The following ADGRB1 variants were observed in gnomAD, a reference collection of about 807,000 sequenced individuals.
The protein encoded by ADGRB1 is adhesion G protein-coupled receptor B1.
Under a neutral mutation model 175.7 loss-of-function variants are expected in ADGRB1, and 36 were observed. That is an observed-to-expected ratio of 0.20 (90% CI 0.16 to 0.27). The LOEUF (loss-of-function observed/expected upper bound fraction) is 0.27, where lower values mean the gene tolerates loss of function less well. Ranked by LOEUF, ADGRB1 falls within the 10% of genes least tolerant of loss-of-function variation. ADGRB1 has a pLI of 1.00. For missense variants in ADGRB1, 1,731 were observed against 2,255.3 expected (o/e 0.77, Z 4.71); for synonymous variants, 1,054 against 979.4 (o/e 1.08, Z -1.42).
chr8:142,464,876 A>G lies in ADGRB1; in HGVS notation c.678A>G (p.Gly226=). 6.6e-7 allele frequency: 1 copy of G among 1,520,786 alleles called. No homozygotes were observed. The highest frequency in any genetic ancestry group is 1.4e-5 in the African/African-American group (1 of 71,510). 94.2% of individuals were successfully genotyped at this position (1,520,786 alleles called of 1,614,324 possible). A position where few individuals can be genotyped will look rare whatever the true frequency, so the allele number is the denominator to read the frequency against. The change falls in exon 2 of 31, where the codon GGA becomes GGG. Residue 226 remains glycine (G), a synonymous_variant. Transcript: ENST00000517894. ...GCGAGGCGGGCGGCCCTGCCGCGGG[A>G]CCCCTGGCCCCCCGCGGGGATGTCT... ...LGGEAGGPAA[G]PLAPRGDVCL...
At position 142,479,772 on chromosome 8, in the gene ADGRB1, C is replaced by G; in HGVS notation, c.1806C>G (p.Val602=). ...KETPAGEVAA[V]RCPRNATGLI... ...CCCCAGCGGGAGAGGTGGCTGCTGT[C>G]CGGTGTCCCCGCAACGCCACAGGTG... The change falls in exon 9 of 31, where the codon GTC becomes GTG. Residue 602 remains valine, a synonymous_variant. Coordinates refer to ENST00000517894, the MANE Select transcript of ADGRB1 (RefSeq NM_001702.3). The G allele has an allele frequency of 1.2e-6, 2 of 1,612,820 alleles. No homozygotes were observed. Among genetic ancestry groups the G allele is most frequent in the Non-Finnish European group, 1.7e-6 (2 of 1,179,470 alleles).
At chr8:142,461,106 G>C (rs1461343237) in intron 1 of ADGRB1, among the ~76,000 whole-genome samples, 1 of 152,230 alleles carries the variant, frequency 6.6e-6, no homozygotes, top group Non-Finnish European at 1.5e-5. Context: ...CCCGGGGACA[G>C]TGGCAGGGGT....
At position 142,510,999 on chromosome 8, in the gene ADGRB1, G is replaced by A; in HGVS notation, c.2743G>A (p.Asp915Asn). ...SWRGCRTVPL[D>N]ALRTRCLCDR... Reference sequence around the variant, plus strand: ...GCGCGGCTGCCGCACGGTGCCCCTCGACGCCCTCCGGACGCGCTGCCTCTG... The same window carrying A: ...GCGCGGCTGCCGCACGGTGCCCCTCAACGCCCTCCGGACGCGCTGCCTCTG... The change falls in exon 18 of 31, where the codon GAC (aspartate) becomes AAC (asparagine). Residue 915 changes from aspartate (D) to asparagine (N), a missense_variant. Physicochemically the swap from Asp to Asn is conservative, Grantham distance 23 (BLOSUM62 1). Transcript: ENST00000517894. The surrounding 1 kb of genome is among the most constrained non-coding windows in gnomAD (Gnocchi z 6.3). 1 of 1,302,730 alleles carries A rather than the reference G, an allele frequency of 7.7e-7. No individual in the cohort carries two copies. Among genetic ancestry groups the A allele is most frequent in the Non-Finnish European group, 9.9e-7 (1 of 1,007,628 alleles). 80.7% of individuals were successfully genotyped at this position (1,302,730 alleles called of 1,614,324 possible). A position where few individuals can be genotyped will look rare whatever the true frequency, so the allele number is the denominator to read the frequency against.
intron 17 of ADGRB1, among the ~76,000 whole-genome samples, chr8:142,502,469 A>T (rs866912978): frequency 3.7e-3 from 26 of 7,022 alleles, no homozygotes; most frequent in African/African-American, 5.9e-3. Context: ...TGCAGTCATC[A>T]CTGTGGTTTT....
intron 2 of ADGRB1, among the ~76,000 whole-genome samples, chr8:142,473,151 C>T (rs992264372): frequency 1.3e-5 from 2 of 152,192 alleles, no homozygotes; most frequent in African/African-American, 2.4e-5. Context: ...CCATGGGAAC[C>T]GAGTGGCATC....
chr8:142,459,480 G>T (rs1178764076), intron 1 of ADGRB1, among the ~76,000 whole-genome samples: 1 of 152,138 alleles, frequency 6.6e-6, no homozygotes, highest in Non-Finnish European at 1.5e-5. Flanking sequence ...TTTCTCCAAG[G>T]CCGTGACTGT....
rs908544137 is a variant in ADGRB1, at chr8:142,510,950, C to G, written c.2694C>G (p.Pro898=). The change falls in exon 18 of 31, where the codon CCC becomes CCG. Residue 898 remains proline, a synonymous_variant. Coordinates refer to ENST00000517894, the MANE Select transcript of ADGRB1 (RefSeq NM_001702.3). The surrounding 1 kb of genome is among the most constrained non-coding windows in gnomAD (Gnocchi z 6.3). The part of the protein sequence containing the change: ...DETDVPSSSA[P]PQLGPWSWRG... ...CCCCCAGACCCTCCTCCTCCGCCCC[C>G]CCGCAGCTCGGGCCCTGGTCGTGGC... The G allele has an allele frequency of 5.4e-6, 7 of 1,292,374 alleles. No homozygotes were observed. Among genetic ancestry groups the G allele is most frequent in the Non-Finnish European group, 7.0e-6 (7 of 1,002,670 alleles). The allele number at this position is 1,292,374 out of a possible 1,614,324, so 80.1% of individuals were successfully genotyped here.
chr8:142,514,485 T>G (rs1347234384), intron 18 of ADGRB1, among the ~76,000 whole-genome samples: 1 of 152,158 alleles, frequency 6.6e-6, no homozygotes, highest in East Asian at 1.9e-4. Context: ...GGGACTGAAC[T>G]AGGTGATATA....
intron 15 of ADGRB1, 47 bp downstream of exon 15, chr8:142,489,157 G>T (rs1279183821): frequency 7.0e-6 from 11 of 1,564,018 alleles, no homozygotes; most frequent in Non-Finnish European, 9.5e-6. Flanking sequence ...GGCAGGTGGG[G>T]TGGGCAGGAC....
At chr8:142,481,416 G>T (rs927889029) in intron 10 of ADGRB1, 56 bp downstream of exon 10, 1 of 1,605,280 alleles carries the variant, frequency 6.2e-7, no homozygotes, top group Non-Finnish European at 8.5e-7. Flanking sequence ...TGGCCACACA[G>T]GTTGGGACCC....
At position 142,471,371 on chromosome 8, in the gene ADGRB1, G is replaced by A. The variant is rs540453009; in HGVS notation, c.785-4103G>A. Among the ~76,000 whole-genome samples, 369 of 152,386 alleles carry A rather than the reference G, an allele frequency of 2.4e-3. 2 individuals are homozygous for A. Among genetic ancestry groups the A allele is most frequent in the Middle Eastern group, 6.8e-3 (2 of 294 alleles). On this transcript the variant is annotated intron_variant, in intron 2 of 30. Transcript: ENST00000517894. Reference sequence around the variant, plus strand: ...TGGTTCCACTTCCCAGAAAGATGGGGAGAAAGGACATGGAGCTGGCAGCAG... The same window carrying A: ...TGGTTCCACTTCCCAGAAAGATGGGAAGAAAGGACATGGAGCTGGCAGCAG...
At chr8:142,517,009 C>T (rs1054152535) in intron 18 of ADGRB1, among the ~76,000 whole-genome samples, 1 of 152,148 alleles carries the variant, frequency 6.6e-6, no homozygotes, top group Non-Finnish European at 1.5e-5. Context: ...GGTCTGTGGC[C>T]GGCCCAGGCC....
In ADGRB1 at chr8:142,484,722, A is replaced by C. The variant is rs753706141; in HGVS notation, c.2266A>C (p.Met756Leu). Residue 756 changes from methionine (M) to leucine (L), a missense_variant, in exon 13 of 31, where the codon ATG (methionine) becomes CTG (leucine). Physicochemically the swap from Met to Leu is conservative, Grantham distance 15 (BLOSUM62 2). Around this residue, in one of 8 missense-constraint regions of ADGRB1, gnomAD observed 388 missense variants for 630.9 expected, o/e 0.61. Transcript: ENST00000517894. ...CTTTGTGGACGTCATCGGCTTCCGC[A>C]TGAAGGACCTGAGGGATGCATACCA... ...EDFVDVIGFR[M>L]KDLRDAYQVT... is the part of the protein sequence containing the mutation. 3.7e-5 allele frequency: 60 copies of C among 1,611,822 alleles called. No homozygotes were observed. The African/African-American group carries it at 6.8e-4, about 18-fold the overall frequency.
Position 142,543,811 on chromosome 8 carries a change from C to T in ADGRB1, c.4557+103C>T. The T allele has an allele frequency of 1.7e-6, 2 of 1,150,510 alleles. No homozygotes were observed. 71.3% of individuals were successfully genotyped at this position (1,150,510 alleles called of 1,614,324 possible). ...CACTTCATCCATCCATCCATCCATC[C>T]ATCCATTCGTTCATTCATTCATTCA... On this transcript the variant is annotated intron_variant, in intron 30 of 30. Coordinates refer to ENST00000517894, the MANE Select transcript of ADGRB1 (RefSeq NM_001702.3). This position sits in a 1 kb window ranked among gnomAD's most constrained non-coding sequence, Gnocchi z 4.4.
chr8:142,530,998 G>T (rs534086084), intron 24 of ADGRB1, among the ~76,000 whole-genome samples: 23 of 152,348 alleles, frequency 1.5e-4, no homozygotes, highest in Admixed American at 3.9e-4. Context: ...CAGGCCACCT[G>T]CCAGCCGCAG....
rs567453498 is a variant in ADGRB1, at chr8:142,528,653, T to G, written c.3398+2026T>G. 5.8e-4 allele frequency among the ~76,000 whole-genome samples: 88 copies of G among 151,168 alleles called. 1 individual carries two copies. The highest frequency in any genetic ancestry group is 1.9e-4 in the Non-Finnish European group (13 of 67,296). ...CCACCAGTAACGCCATGTTAGTGCC[T>G]CCGCTGCCACCTCCCTCCTAGGCCC... On this transcript the variant is annotated intron_variant, in intron 24 of 30. Coordinates refer to ENST00000517894, the MANE Select transcript of ADGRB1 (RefSeq NM_001702.3).
At chr8:142,523,739 G>T (rs1160105244) in intron 22 of ADGRB1, among the ~76,000 whole-genome samples, 4 of 147,142 alleles carry the variant, frequency 2.7e-5, no homozygotes, top group African/African-American at 1.0e-4. Context: ...ACCACAGGTG[G>T]TGTCCAGAGA....
Position 142,510,914 on chromosome 8 carries a change from TG to T in ADGRB1, c.2676-17del. Reference sequence around the variant, plus strand: ...TGACGCTCCGCCTGTCTCCCTCCCGTGTCCCGCCCGCCCCCAGACCCTCCTC... The same window carrying T: ...TGACGCTCCGCCTGTCTCCCTCCCGTTCCCGCCCGCCCCCAGACCCTCCTC... On this transcript the variant is annotated splice_polypyrimidine_tract_variant and intron_variant, in intron 17 of 30. Transcript: ENST00000517894. This position sits in a 1 kb window ranked among gnomAD's most constrained non-coding sequence, Gnocchi z 6.3. 6.6e-6 allele frequency: 6 copies of T among 906,912 alleles called. No individual in the cohort carries two copies. The highest frequency in any genetic ancestry group is 6.8e-6 in the Non-Finnish European group (5 of 736,660). The allele number at this position is 906,912 out of a possible 1,614,324, so 56.2% of individuals were successfully genotyped here.
At chr8:142,502,610 G>A (rs953190278) in intron 17 of ADGRB1, among the ~76,000 whole-genome samples, 1 of 136,442 alleles carries the variant, frequency 7.3e-6, no homozygotes, top group African/African-American at 3.5e-5. Flanking sequence ...ATGATGGGGT[G>A]GTGGCTGTAG....
Sources: gnomAD v4.1 joint callset for allele counts (sites outside exome capture counted in the v4.1 genomes callset) on GRCh38, gnomAD v4.1.1 for gene constraint, gnomAD v4.1.1 regional missense constraint, Gnocchi (gnomAD v3.1) non-coding constraint, MANE v1.5 for transcripts, NCBI Gene and HGNC (gene_info 2026-07-23, HGNC 2026-07-21) for gene names.